Variants in TARBP1 observed in about 807,000 individuals in gnomAD.
The protein encoded by TARBP1 is tRNA guanosine 2 -O-methyltransferase TARBP1.
Under a neutral mutation model 178.6 loss-of-function variants are expected in TARBP1, and 144 were observed. The observed-to-expected ratio is 0.81, with a 90% CI of 0.70 to 0.93. The LOEUF is 0.93. TARBP1 is among the 40% of genes least tolerant of loss of function. TARBP1 has a pLI of 0.00. For synonymous variants in TARBP1, 787 were observed against 781.0 expected (o/e 1.01, Z -0.13); for missense variants, 2,067 against 2,011.7 (o/e 1.03, Z -0.53).
At chr1:234,472,670 ATTG>A in intron 2 of TARBP1, 41 bp downstream of exon 2, 1 of 1,342,616 alleles carries the variant, frequency 7.4e-7, no homozygotes, top group Non-Finnish European at 1.0e-6. Flanking sequence ...AAAAAGAAAA[ATTG>A]TTATCTACTG....
intron 1 of TARBP1, 66 bp from the exon 2 acceptor site, chr1:234,472,877 G>T: frequency 8.3e-7 from 1 of 1,209,052 alleles, no homozygotes; most frequent in Non-Finnish European, 1.2e-6. Context: ...CTCAATGACA[G>T]CAGTTCTTAA....
chr1:234,430,149 CTGAT>C lies in TARBP1; in HGVS notation c.2543_2546del (p.Asn848ArgfsTer36). 1 of 1,614,144 alleles carries C rather than the reference CTGAT, an allele frequency of 6.2e-7. No homozygotes were observed. Among genetic ancestry groups the C allele is most frequent in the Non-Finnish European group, 8.5e-7 (1 of 1,179,994 alleles). On this transcript the variant is annotated frameshift_variant, in exon 15 of 30. Transcript: ENST00000040877. LOFTEE classifies it high-confidence loss of function. The stretch of plus-strand genomic sequence containing the variant: ...CCTCTGCGTGGGGCTTCTGCAGCGT[CTGAT>C]TGAGCTGAAGAGAGGAAAGGAAGCT...
intron 23 of TARBP1, among the ~76,000 whole-genome samples, chr1:234,410,147 C>T (rs1661650093): frequency 6.6e-6 from 1 of 152,144 alleles, no homozygotes; most frequent in Non-Finnish European, 1.5e-5. Flanking sequence ...CTAAGTAATC[C>T]TAATCCTAAG....
intron 3 of TARBP1, among the ~76,000 whole-genome samples, chr1:234,470,769 CCAT>C (rs1468669719): frequency 6.6e-6 from 1 of 152,064 alleles, no homozygotes; most frequent in Non-Finnish European, 1.5e-5. Context: ...GCACACACCA[CCAT>C]GCCTGGCTAA....
chr1:234,425,563 G>T, intron 20 of TARBP1, 110 bp downstream of exon 20: 1 of 1,195,896 alleles, frequency 8.4e-7, no homozygotes, highest in Non-Finnish European at 1.2e-6. Flanking sequence ...TAAACTTTGT[G>T]TTTTCTCCTG....
chr1:234,468,144 C>T (rs1172763397), intron 3 of TARBP1, among the ~76,000 whole-genome samples: 1 of 106,308 alleles, frequency 9.4e-6, no homozygotes, highest in Admixed American at 8.5e-5. Context: ...CGTATTCAGG[C>T]AGCTTAATTT....
In TARBP1 at chr1:234,477,347, T is replaced by C. The variant is rs139743295; in HGVS notation, c.931+826A>G. On this transcript the variant is annotated intron_variant, in intron 1 of 29. Coordinates refer to ENST00000040877, the MANE Select transcript of TARBP1 (RefSeq NM_005646.4). ...ATATTTACTCTCTAATGTTTTAAAA[T>C]TACTTGAAAATATAACCTCATAACT... is the stretch of plus-strand genomic sequence containing the variant. 4.3e-3 allele frequency among the ~76,000 whole-genome samples: 648 copies of C among 152,384 alleles called. 4 individuals are homozygous for C. The highest frequency in any genetic ancestry group is 5.9e-3 in the Non-Finnish European group (399 of 68,044).
chr1:234,435,212 G>GGT (rs1477638643), intron 13 of TARBP1, among the ~76,000 whole-genome samples: 1 of 152,172 alleles, frequency 6.6e-6, no homozygotes, highest in African/African-American at 2.4e-5. Context: ...CACTTTGGGA[G>GGT]GTCAAGGCAG....
intron 1 of TARBP1, among the ~76,000 whole-genome samples, chr1:234,477,343 A>T (rs1669661684): frequency 6.6e-6 from 1 of 152,282 alleles, no homozygotes; most frequent in African/African-American, 2.4e-5. Flanking sequence ...CTAATGTTTT[A>T]AAATTACTTG....
chr1:234,425,392 T>G (rs1394658394), intron 20 of TARBP1, among the ~76,000 whole-genome samples: 1 of 152,172 alleles, frequency 6.6e-6, no homozygotes, highest in Non-Finnish European at 1.5e-5. Flanking sequence ...TTTTCTTTTT[T>G]TTCTTTTTGT....
intron 4 of TARBP1, among the ~76,000 whole-genome samples, chr1:234,466,766 G>C (rs1474007046): frequency 6.6e-6 from 1 of 152,102 alleles, no homozygotes; most frequent in Non-Finnish European, 1.5e-5. Flanking sequence ...AGGAGGCTGA[G>C]GCAGGGGGAT....
In TARBP1 at chr1:234,427,657, C is replaced by G; in HGVS notation, c.3170G>C (p.Gly1057Ala). Residue 1057 changes from glycine (G) to alanine (A), a missense_variant, in exon 18 of 30, where the codon GGA becomes GCA. Coordinates refer to ENST00000040877, the MANE Select transcript of TARBP1 (RefSeq NM_005646.4). ...WIVSASNVSQ[G>A]SLSSAKNYSE... ...ATAATTTTTAGCACTTGATAAAGAT[C>G]CTTGGGACACATTTGAAGCAGACAC... 6.3e-7 allele frequency: 1 copy of G among 1,591,118 alleles called. No homozygotes were observed. The highest frequency in any genetic ancestry group is 1.2e-5 in the South Asian group (1 of 86,218).
In TARBP1 at chr1:234,392,557, A is replaced by C; in HGVS notation, c.4561-5T>G. The C allele has an allele frequency of 6.2e-7, 1 of 1,613,328 alleles. No homozygotes were observed. The highest frequency in any genetic ancestry group is 8.5e-7 in the Non-Finnish European group (1 of 1,179,588). On this transcript the variant is annotated splice_region_variant and splice_polypyrimidine_tract_variant and intron_variant, in intron 28 of 29. Coordinates refer to ENST00000040877, the MANE Select transcript of TARBP1 (RefSeq NM_005646.4). The stretch of plus-strand genomic sequence containing the variant: ...AATTAGCTGAGGTGGTTTTACCTGA[A>C]TATTAGTTTAAAAAGAACAGAATAT...
At chr1:234,463,545 A>G (rs2273876) in intron 6 of TARBP1, among the ~76,000 whole-genome samples, 8,489 of 152,232 alleles carry the variant, frequency 0.056, 553 homozygotes, top group African/African-American at 0.14. Flanking sequence ...TATTTTACCA[A>G]TTCTTGAAAC....
chr1:234,393,755 G>A lies in TARBP1; in HGVS notation c.4326C>T (p.Ser1442=), dbSNP rs765786288. Residue 1442 remains serine, a synonymous_variant, in exon 27 of 30, where the codon TCC becomes TCT. Transcript: ENST00000040877. ...KKIIPWNSRV[S]DLDLELLFQD... ...GAAACAGGAGCTCCAGGTCTAAGTC[G>A]GAAACACGACTGTTCCACGGGATAA... The A allele has an allele frequency of 1.5e-5, 24 of 1,613,810 alleles. No individual in the cohort carries two copies. Among genetic ancestry groups the A allele is most frequent in the Non-Finnish European group, 1.8e-5 (21 of 1,180,004 alleles).
chr1:234,475,400 C>T (rs1669481587), intron 1 of TARBP1, among the ~76,000 whole-genome samples: 1 of 152,258 alleles, frequency 6.6e-6, no homozygotes, highest in Non-Finnish European at 1.5e-5. Flanking sequence ...TCACTCGGCA[C>T]TGACACTAGG....
intron 22 of TARBP1, among the ~76,000 whole-genome samples, chr1:234,413,241 GTGGC>G (rs1662053431): frequency 6.6e-6 from 1 of 152,224 alleles, no homozygotes; most frequent in African/African-American, 2.4e-5. Flanking sequence ...AAAAAAAGCA[GTGGC>G]TCACGCCTGT....
intron 22 of TARBP1, among the ~76,000 whole-genome samples, chr1:234,412,662 AAAG>A (rs1250137255): frequency 6.6e-6 from 1 of 152,142 alleles, no homozygotes; most frequent in Non-Finnish European, 1.5e-5. Context: ...AAAAATAAAT[AAAG>A]AAGACACATG....
intron 21 of TARBP1, among the ~76,000 whole-genome samples, chr1:234,419,199 A>T (rs935570561): frequency 6.6e-6 from 1 of 152,004 alleles, no homozygotes; most frequent in Non-Finnish European, 1.5e-5. Flanking sequence ...AAAATAAAAT[A>T]AAATAAAATA....
Sources: gnomAD v4.1 joint callset for allele counts (sites outside exome capture counted in the v4.1 genomes callset) on GRCh38, gnomAD v4.1.1 for gene constraint, MANE v1.5 for transcripts, NCBI Gene and HGNC (gene_info 2026-07-23, HGNC 2026-07-21) for gene names.